PHF14: variants seen among roughly 807,000 people sequenced by gnomAD.
PHF14 encodes PHD finger protein 14.
Under a neutral mutation model 117.9 loss-of-function variants are expected in PHF14, and 55 were observed. That is an observed-to-expected ratio of 0.47 (90% CI 0.38 to 0.58). The LOEUF (loss-of-function observed/expected upper bound fraction) is 0.58. PHF14 is among the 20% of genes least tolerant of loss of function. The pLI, the probability that PHF14 is intolerant of heterozygous loss-of-function variation, is 0.00. For missense variants in PHF14, 978 were observed against 1,122.2 expected (o/e 0.87, Z 1.84); for synonymous variants, 409 against 368.6 (o/e 1.11, Z -1.26).
rs986373956 is a variant in PHF14 at position 11,017,063 on chromosome 7, G to T, written c.1205+3157G>T. Among the ~76,000 whole-genome samples the T allele has an allele frequency of 4.6e-5, 7 of 152,134 alleles. No homozygotes were observed. In the East Asian group the frequency reaches 1.3e-3, roughly 29 times the overall value. The stretch of plus-strand genomic sequence containing the variant: ...AATGATCTCTAGTTCCACCCAAGTT[G>T]TTGCAAATGACTGGCTCTCATTCTT... On this transcript the variant is annotated intron_variant, in intron 5 of 17. Transcript: ENST00000634607.
Position 11,059,054 on chromosome 7 carries a change from A to G in PHF14, c.2482-2737A>G, listed in dbSNP as rs1357245404. Among the ~76,000 whole-genome samples, 4 of 152,198 alleles carry G rather than the reference A, an allele frequency of 2.6e-5. No homozygotes were observed. The East Asian group carries it at 7.7e-4, about 29-fold the overall frequency. ...GTACTTAAAGTGACTATTTTAGATA[A>G]TTACAAATACACCTAATATATGAGA... On this transcript the variant is annotated intron_variant, in intron 14 of 17. Coordinates refer to ENST00000634607, the MANE Select transcript of PHF14 (RefSeq NM_001007157.2).
Position 11,064,202 on chromosome 7 carries a change from A to G in PHF14, c.2654+2117A>G, listed in dbSNP as rs552464464. 2.2e-3 allele frequency among the ~76,000 whole-genome samples: 327 copies of G among 152,074 alleles called. 1 individual carries two copies. Among genetic ancestry groups the G allele is most frequent in the African/African-American group, 7.6e-3 (316 of 41,568 alleles). On this transcript the variant is annotated intron_variant, in intron 16 of 17. Transcript: ENST00000634607. ...TCTTCTTGGGTTAAAGAATTTTTATATAAAATTTCATATGTTTAATAAAAG... is the reference window on the plus strand; with the variant it reads ...TCTTCTTGGGTTAAAGAATTTTTATGTAAAATTTCATATGTTTAATAAAAG...
At chr7:11,106,510 T>C (rs946016096) in intron 16 of PHF14, 2 of 954,500 alleles carry the variant, frequency 2.1e-6, no homozygotes, top group Non-Finnish European at 2.5e-6. Flanking sequence ...TACTAAATGT[T>C]ATTCCGTATT....
intron 16 of PHF14, chr7:11,110,463 C>T (rs1342991567): frequency 1.3e-6 from 1 of 740,960 alleles, no homozygotes; most frequent in Non-Finnish European, 1.6e-6. Flanking sequence ...GTTATTCCAA[C>T]TGATGCAAAA....
intron 16 of PHF14, among the ~76,000 whole-genome samples, chr7:11,096,786 A>G (rs1786886355): frequency 6.6e-6 from 1 of 152,130 alleles, no homozygotes; most frequent in Non-Finnish European, 1.5e-5. Context: ...ATAAGGAACT[A>G]CATAGGAAGT....
intron 17 of PHF14, among the ~76,000 whole-genome samples, chr7:11,163,541 G>A (rs958240208): frequency 2.0e-5 from 3 of 152,142 alleles, no homozygotes; most frequent in Admixed American, 2.0e-4. Flanking sequence ...GTTAAATGTA[G>A]CATATCACAC....
chr7:11,099,008 C>A (rs538920446), intron 16 of PHF14, among the ~76,000 whole-genome samples: 2 of 152,132 alleles, frequency 1.3e-5, no homozygotes, highest in Admixed American at 1.3e-4. Flanking sequence ...AAGTTCATTT[C>A]AAAAATGCTT....
chr7:10,975,373 C>T (rs931425261), intron 2 of PHF14, among the ~76,000 whole-genome samples: 9 of 152,062 alleles, frequency 5.9e-5, no homozygotes, highest in Non-Finnish European at 1.3e-4. Context: ...TGTGTATTAG[C>T]TCTTTTACTA....
Position 11,040,375 on chromosome 7 carries a change from T to G in PHF14, c.2077-297T>G, listed in dbSNP as rs148823010. Among the ~76,000 whole-genome samples, 421 of 151,970 alleles carry G rather than the reference T, an allele frequency of 2.8e-3. 3 individuals are homozygous for G. Among genetic ancestry groups the G allele is most frequent in the African/African-American group, 9.8e-3 (408 of 41,502 alleles). The stretch of plus-strand genomic sequence containing the variant: ...TTTTTGTCAAGTGTACTGTGTTTTG[T>G]TTTTTTTAAACCTCCTACGTATGTG... On this transcript the variant is annotated intron_variant, in intron 11 of 17. Transcript: ENST00000634607.
intron 17 of PHF14, among the ~76,000 whole-genome samples, chr7:11,126,562 A>T (rs142542849): frequency 1.2e-3 from 190 of 152,138 alleles, no homozygotes; most frequent in African/African-American, 4.4e-3. Flanking sequence ...TCTCTTCGTT[A>T]TTTAGCTGTT....
intron 16 of PHF14, chr7:11,104,946 A>G: frequency 1.0e-6 from 1 of 958,224 alleles, no homozygotes; most frequent in Non-Finnish European, 1.2e-6. Flanking sequence ...CATCTCCTTA[A>G]AAGGTCCCTT....
chr7:11,102,227 GTTTAT>G (rs1204125480), intron 16 of PHF14, among the ~76,000 whole-genome samples: 2 of 151,638 alleles, frequency 1.3e-5, no homozygotes, highest in African/African-American at 4.8e-5. Context: ...AGAAAGATAG[GTTTAT>G]TTTGACAACC....
At chr7:11,036,083 A>G (rs1784318453) in intron 8 of PHF14, among the ~76,000 whole-genome samples, 1 of 152,200 alleles carries the variant, frequency 6.6e-6, no homozygotes, top group Non-Finnish European at 1.5e-5. Context: ...GTTTGTTCAA[A>G]GGATTTAGTC....
intron 6 of PHF14, among the ~76,000 whole-genome samples, chr7:11,025,596 ATCCCGGGTAACACGG>A (rs1783879599): frequency 6.6e-6 from 1 of 151,638 alleles, no homozygotes; most frequent in Non-Finnish European, 1.5e-5. Flanking sequence ...GATCAAGACC[ATCCCGGGTAACACGG>A]TGAAACCCCG....
chr7:11,161,227 T>A (rs1789014904), intron 17 of PHF14, among the ~76,000 whole-genome samples: 1 of 152,032 alleles, frequency 6.6e-6, no homozygotes, highest in Non-Finnish European at 1.5e-5. Context: ...TTTTAGGGCC[T>A]GAGCAAAAAA....
intron 17 of PHF14, among the ~76,000 whole-genome samples, chr7:11,141,058 C>A (rs949988672): frequency 3.3e-5 from 5 of 152,076 alleles, no homozygotes; most frequent in Non-Finnish European, 7.4e-5. Context: ...CTCCACTTAG[C>A]TGTGCCACTC....
intron 16 of PHF14, among the ~76,000 whole-genome samples, chr7:11,102,114 A>G (rs1787114256): frequency 6.6e-6 from 1 of 151,848 alleles, no homozygotes; most frequent in African/African-American, 2.4e-5. Flanking sequence ...ATATTTGATG[A>G]AAAAATAGCA....
chr7:11,074,131 C>T (rs6954256), intron 16 of PHF14, among the ~76,000 whole-genome samples: 16,554 of 152,184 alleles, frequency 0.11, 1,057 homozygotes, highest in African/African-American at 0.18. Flanking sequence ...CTTTTTTAGT[C>T]ATGCTAATCA....
intron 16 of PHF14, among the ~76,000 whole-genome samples, chr7:11,095,742 T>C (rs1159229067): frequency 6.6e-6 from 1 of 152,168 alleles, no homozygotes; most frequent in Non-Finnish European, 1.5e-5. Context: ...GAAGCTCCTA[T>C]AATCACCTAC....
Sources: gnomAD v4.1 joint callset for allele counts (sites outside exome capture counted in the v4.1 genomes callset) on GRCh38, gnomAD v4.1.1 for gene constraint, MANE v1.5 for transcripts, NCBI Gene and HGNC (gene_info 2026-07-23, HGNC 2026-07-21) for gene names.